Variants in PTPRD observed in about 807,000 individuals in gnomAD.
The protein encoded by PTPRD is protein tyrosine phosphatase receptor type D.
Under a neutral mutation model 214.5 loss-of-function variants are expected in PTPRD, and 34 were observed. That is an observed-to-expected ratio of 0.16 (90% CI 0.12 to 0.21). The LOEUF (loss-of-function observed/expected upper bound fraction) is 0.21. Among genes scored for constraint, PTPRD ranks in the 10% least tolerant of loss-of-function variants. The pLI is 1.00. For synonymous variants in PTPRD, 1,128 were observed against 845.7 expected (o/e 1.33, Z -5.79); for missense variants, 2,545 against 2,398.7 (o/e 1.06, Z -1.27).
intron 8 of PTPRD, among the ~76,000 whole-genome samples, chr9:9,418,046 C>T (rs2142279993): frequency 6.6e-6 from 1 of 152,204 alleles, no homozygotes; most frequent in East Asian, 1.9e-4. Flanking sequence ...ATGAAATGTT[C>T]TGAGTCCTAC....
chr9:9,606,460 C>G (rs2094160308), intron 7 of PTPRD, among the ~76,000 whole-genome samples: 1 of 152,022 alleles, frequency 6.6e-6, no homozygotes, highest in South Asian at 2.1e-4. Flanking sequence ...TTATCCCCGT[C>G]CATCTCTATA....
At chr9:8,842,835 CG>C (rs1426399110) in intron 11 of PTPRD, among the ~76,000 whole-genome samples, 1 of 152,164 alleles carries the variant, frequency 6.6e-6, no homozygotes, top group African/African-American at 2.4e-5. Flanking sequence ...GAGACTTTGA[CG>C]GTGTTTCACA....
At chr9:10,507,495 A>G (rs1427193522) in intron 2 of PTPRD, among the ~76,000 whole-genome samples, 1 of 152,120 alleles carries the variant, frequency 6.6e-6, no homozygotes, top group African/African-American at 2.4e-5. Flanking sequence ...TGCCAAGACA[A>G]TCCTAAGCCA....
At chr9:9,702,268 A>G (rs1159113525) in intron 7 of PTPRD, among the ~76,000 whole-genome samples, 1 of 152,234 alleles carries the variant, frequency 6.6e-6, no homozygotes, top group Admixed American at 6.5e-5. Flanking sequence ...AAACAGTGTA[A>G]TCTAAAGAGA....
intron 11 of PTPRD, among the ~76,000 whole-genome samples, chr9:8,916,021 G>A (rs1024875653): frequency 1.3e-5 from 2 of 152,144 alleles, no homozygotes; most frequent in African/African-American, 4.8e-5. Context: ...ATAGCTGGTG[G>A]TTACATTCAC....
chr9:8,870,706 A>ACACAC (rs2098281105), intron 11 of PTPRD, among the ~76,000 whole-genome samples: 2 of 150,530 alleles, frequency 1.3e-5, no homozygotes, highest in African/African-American at 4.9e-5. Flanking sequence ...ACACACACAC[A>ACACAC]CACACACACA....
chr9:9,141,390 G>T (rs773593810), intron 10 of PTPRD, among the ~76,000 whole-genome samples: 1 of 151,978 alleles, frequency 6.6e-6, no homozygotes, highest in Non-Finnish European at 1.5e-5. Context: ...CAGTGAAATT[G>T]TTGGGTAGTT....
At chr9:8,914,756 A>G (rs1472043198) in intron 11 of PTPRD, among the ~76,000 whole-genome samples, 1 of 152,200 alleles carries the variant, frequency 6.6e-6, no homozygotes, top group Non-Finnish European at 1.5e-5. Context: ...ATAGTTTAGA[A>G]TTTAGACCAA....
At chr9:9,956,995 A>G (rs1234676664) in intron 4 of PTPRD, among the ~76,000 whole-genome samples, 1 of 152,198 alleles carries the variant, frequency 6.6e-6, no homozygotes, top group African/African-American at 2.4e-5. Context: ...AGAACCTAAC[A>G]AGAGAAACTA....
intron 11 of PTPRD, among the ~76,000 whole-genome samples, chr9:8,781,673 AAAT>A (rs2095704532): frequency 6.6e-6 from 1 of 152,118 alleles, no homozygotes; most frequent in Admixed American, 6.5e-5. Flanking sequence ...TAATGAAATG[AAAT>A]GAATTCCAAG....
chr9:9,092,890 T>G (rs914897487), intron 10 of PTPRD, among the ~76,000 whole-genome samples: 5 of 152,048 alleles, frequency 3.3e-5, no homozygotes, highest in African/African-American at 1.2e-4. Flanking sequence ...ACAGAAATTT[T>G]CAGATTTTAC....
At chr9:8,476,502 T>C (rs1352763101) in intron 30 of PTPRD, among the ~76,000 whole-genome samples, 1 of 152,146 alleles carries the variant, frequency 6.6e-6, no homozygotes, top group East Asian at 1.9e-4. Flanking sequence ...TCCACCTGCC[T>C]AGAACTTTCT....
chr9:10,139,332 A>C (rs560342606), intron 3 of PTPRD, among the ~76,000 whole-genome samples: 1 of 152,158 alleles, frequency 6.6e-6, no homozygotes, highest in South Asian at 2.1e-4. Context: ...GAGATAAAAA[A>C]AACTCTACAA....
chr9:9,989,501 G>A (rs1481281868), intron 4 of PTPRD, among the ~76,000 whole-genome samples: 1 of 152,086 alleles, frequency 6.6e-6, no homozygotes, highest in Non-Finnish European at 1.5e-5. Flanking sequence ...AGTTCAGCCT[G>A]GGACAGCCGA....
intron 10 of PTPRD, among the ~76,000 whole-genome samples, chr9:9,042,320 C>A (rs1311282423): frequency 1.3e-5 from 2 of 152,120 alleles, no homozygotes; most frequent in Non-Finnish European, 2.9e-5. Flanking sequence ...CCGGCAAGAT[C>A]AAATAAACAT....
intron 6 of PTPRD, among the ~76,000 whole-genome samples, chr9:9,741,549 G>A (rs1188035960): frequency 6.6e-6 from 1 of 152,070 alleles, no homozygotes. Flanking sequence ...GTGGTTTGCT[G>A]CACCCATCAA....
intron 12 of PTPRD, among the ~76,000 whole-genome samples, chr9:8,723,460 T>C (rs2098523845): frequency 6.6e-6 from 1 of 152,186 alleles, no homozygotes; most frequent in Admixed American, 6.5e-5. Flanking sequence ...CCCATAGCCA[T>C]GTCTTGCTGC....
At chr9:8,484,009 T>A (rs1467358148) in intron 30 of PTPRD, 110 bp downstream of exon 30, 1 of 1,383,610 alleles carries the variant, frequency 7.2e-7, no homozygotes, top group East Asian at 2.3e-5. Flanking sequence ...CAGAAGAATC[T>A]TTCACTACAT....
intron 2 of PTPRD, among the ~76,000 whole-genome samples, chr9:10,355,479 CTTT>C (rs1273617961): frequency 5.9e-5 from 8 of 136,688 alleles, no homozygotes; most frequent in Admixed American, 7.3e-5. Context: ...TATTTCTTTT[CTTT>C]TTTTTTTTTT....
Sources: allele counts gnomAD v4.1 joint callset (sites outside exome capture counted in the v4.1 genomes callset), GRCh38; gene constraint gnomAD v4.1.1; transcripts MANE v1.5; gene names NCBI Gene and HGNC (gene_info 2026-07-23, HGNC 2026-07-21).